SLC17A8: variants seen among roughly 807,000 people sequenced by gnomAD.
SLC17A8 encodes solute carrier family 17 member 8, also known as vesicular glutamate transporter 3.
SLC17A8 carries 31 observed loss-of-function variants against 58.0 expected under a neutral mutation model. The observed-to-expected ratio is 0.53, with a 90% confidence interval of 0.40 to 0.72. SLC17A8 has a LOEUF of 0.72. Among genes scored for constraint, SLC17A8 ranks in the 30% least tolerant of loss-of-function variants. The pLI, the probability that SLC17A8 is intolerant of heterozygous loss-of-function variation, is 0.00. For missense variants in SLC17A8, 655 were observed against 727.8 expected (o/e 0.90, Z 1.15); for synonymous variants, 228 against 249.0 (o/e 0.92, Z 0.79).
At position 100,361,184 on chromosome 12, in the gene SLC17A8, C is replaced by T. The variant is rs151096974; in HGVS notation, c.101+3692C>T. Among the ~76,000 whole-genome samples, 11 of 152,242 alleles carry T rather than the reference C, an allele frequency of 7.2e-5. No individual in the cohort carries two copies. The East Asian group carries it at 1.9e-3, about 27-fold the overall frequency. On this transcript the variant is annotated intron_variant, in intron 1 of 11. Transcript: ENST00000323346. ...GAAACCAAGTCAGATCACATCTCAC[C>T]CCTGCTCAAAACTACCTCACTCAGA...
intron 9 of SLC17A8, among the ~76,000 whole-genome samples, chr12:100,412,555 TATCCCTGAACTTAA>T (rs1487971816): frequency 2.0e-5 from 3 of 147,018 alleles, no homozygotes; most frequent in Non-Finnish European, 4.4e-5. Context: ...TCTGCACATG[TATCCCTGAACTTAA>T]ATCCCAGAAC....
chr12:100,376,726 G>A (rs1377034674), intron 1 of SLC17A8, among the ~76,000 whole-genome samples: 1 of 152,136 alleles, frequency 6.6e-6, no homozygotes, highest in African/African-American at 2.4e-5. Flanking sequence ...ATATTACTGT[G>A]GTTGTTACAT....
chr12:100,368,278 G>A (rs929535788), intron 1 of SLC17A8, among the ~76,000 whole-genome samples: 13 of 152,180 alleles, frequency 8.5e-5, no homozygotes, highest in Non-Finnish European at 1.8e-4. Flanking sequence ...GGAATCCCAG[G>A]CGTGCCTTGG....
chr12:100,363,407 C>T (rs1040792790), intron 1 of SLC17A8, among the ~76,000 whole-genome samples: 4 of 152,114 alleles, frequency 2.6e-5, no homozygotes, highest in African/African-American at 7.2e-5. Context: ...CCCACTCTGT[C>T]GCCCAGGCTG....
chr12:100,380,134 G>A (rs1419235131), intron 1 of SLC17A8, among the ~76,000 whole-genome samples: 9 of 151,638 alleles, frequency 5.9e-5, no homozygotes, highest in Non-Finnish European at 1.3e-4. Context: ...GGGAAGCAGA[G>A]GTTGCGGGGA....
In SLC17A8 at chr12:100,391,032, T is replaced by C; in HGVS notation, c.386T>C (p.Val129Ala). The C allele has an allele frequency of 1.2e-6, 2 of 1,613,658 alleles. No homozygotes were observed. Among genetic ancestry groups the C allele is most frequent in the African/African-American group, 1.3e-5 (1 of 75,040 alleles). The stretch of plus-strand genomic sequence containing the variant: ...CAGTTTAACTGGGATCCAGAAACAG[T>C]GGGCCTTATCCATGGATCTTTTTTC... The part of the protein sequence containing the change: ...TAQFNWDPET[V>A]GLIHGSFFWG... Residue 129 changes from valine (V) to alanine (A), a missense_variant, in exon 3 of 12, where the codon GTG becomes GCG. Val to Ala is a moderately conservative substitution (Grantham distance 64). Coordinates refer to ENST00000323346, the MANE Select transcript of SLC17A8 (RefSeq NM_139319.3).
At position 100,377,482 on chromosome 12, in the gene SLC17A8, G is replaced by A. The variant is rs1360495471; in HGVS notation, c.102-3219G>A. Among the ~76,000 whole-genome samples, 7 of 151,266 alleles carry A rather than the reference G, an allele frequency of 4.6e-5. No individual in the cohort carries two copies. In the Admixed American group the frequency reaches 4.6e-4, roughly 10 times the overall value. ...AGGCTAAAGTCACACAGCTGAGTAAGTGGGCGACTCAACATTCAAAGTAAG... is the reference window on the plus strand; with the variant it reads ...AGGCTAAAGTCACACAGCTGAGTAAATGGGCGACTCAACATTCAAAGTAAG... On this transcript the variant is annotated intron_variant, in intron 1 of 11. Transcript: ENST00000323346.
At chr12:100,359,313 A>T (rs1459316949) in intron 1 of SLC17A8, among the ~76,000 whole-genome samples, 1 of 152,072 alleles carries the variant, frequency 6.6e-6, no homozygotes, top group African/African-American at 2.4e-5. Flanking sequence ...TTCAATAGGA[A>T]TTATTGATCG....
Position 100,412,820 on chromosome 12 carries a change from A to G in SLC17A8, c.1237A>G (p.Lys413Glu). Reference protein sequence around the residue: ...LLLVVGFSHTKGVAISFLVLA... With the variant: ...LLLVVGFSHTEGVAISFLVLA... ...CCTGGTGGTTGGCTTTTCGCATACC[A>G]AAGGGGTGGCTATCTCCTTTCTGGT... is the stretch of plus-strand genomic sequence containing the variant. Residue 413 changes from lysine (K) to glutamate (E), a missense_variant, in exon 10 of 12, where the codon AAA becomes GAA. By Grantham distance (56) the Lys-to-Glu change is moderately conservative. Transcript: ENST00000323346. 1 of 1,614,126 alleles carries G rather than the reference A, an allele frequency of 6.2e-7. No homozygotes were observed.
chr12:100,383,299 C>T lies in SLC17A8; in HGVS notation c.354+2346C>T, dbSNP rs151313452. Among the ~76,000 whole-genome samples, 606 of 152,338 alleles carry T rather than the reference C, an allele frequency of 4.0e-3. 2 individuals carry two copies. Among genetic ancestry groups the T allele is most frequent in the African/African-American group, 0.012 (510 of 41,580 alleles). On this transcript the variant is annotated intron_variant, in intron 2 of 11. Coordinates refer to ENST00000323346, the MANE Select transcript of SLC17A8 (RefSeq NM_139319.3). ...GCTAGTGTGCGCTCTCTAGTTTCTA[C>T]GGCTGTGCCCTCTGGAGTCTTAGAG...
At chr12:100,369,015 G>C (rs1952540841) in intron 1 of SLC17A8, among the ~76,000 whole-genome samples, 1 of 152,190 alleles carries the variant, frequency 6.6e-6, no homozygotes, top group African/African-American at 2.4e-5. Flanking sequence ...GCTCATCCCT[G>C]TAATCCCAGC....
intron 1 of SLC17A8, among the ~76,000 whole-genome samples, chr12:100,376,900 C>T (rs763788201): frequency 6.6e-6 from 1 of 152,124 alleles, no homozygotes; most frequent in African/African-American, 2.4e-5. Context: ...ACCTCTGCCT[C>T]CAAGGTTCAA....
chr12:100,382,131 G>A (rs1435481202), intron 2 of SLC17A8, among the ~76,000 whole-genome samples: 1 of 152,228 alleles, frequency 6.6e-6, no homozygotes, highest in African/African-American at 2.4e-5. Context: ...ATTGGGTAGA[G>A]CACGTTGAGG....
In SLC17A8 at chr12:100,420,955, T is replaced by C. The variant is rs1394919910; in HGVS notation, c.*796T>C. ...CTATGTTATCTGAAGAGTCAAATGG[T>C]TTTGTGACTCCATAGTTTTTAAAGT... On this transcript the variant is annotated 3_prime_UTR_variant, in exon 12 of 12. Coordinates refer to ENST00000323346, the MANE Select transcript of SLC17A8 (RefSeq NM_139319.3). 1 of 152,162 alleles carries C rather than the reference T, an allele frequency of 6.6e-6. No homozygotes were observed. The highest frequency in any genetic ancestry group is 2.4e-5 in the African/African-American group (1 of 41,436). 9.4% of individuals were successfully genotyped at this position (152,162 alleles called of 1,614,324 possible). A position where few individuals can be genotyped will look rare whatever the true frequency, so the allele number is the denominator to read the frequency against.
intron 2 of SLC17A8, among the ~76,000 whole-genome samples, chr12:100,384,493 C>T (rs1475174858): frequency 2.0e-5 from 3 of 152,134 alleles, no homozygotes; most frequent in Admixed American, 2.0e-4. Context: ...GTACCAGCTA[C>T]TTGGGAAGCT....
At chr12:100,389,618 G>GAC (rs1952699790) in intron 2 of SLC17A8, among the ~76,000 whole-genome samples, 1 of 150,764 alleles carries the variant, frequency 6.6e-6, no homozygotes, top group African/African-American at 2.4e-5. Flanking sequence ...TATAGAGAGA[G>GAC]AGACACACAC....
intron 1 of SLC17A8, among the ~76,000 whole-genome samples, chr12:100,374,756 A>T (rs1952582746): frequency 6.6e-6 from 1 of 152,142 alleles, no homozygotes; most frequent in Non-Finnish European, 1.5e-5. Flanking sequence ...AGGTCCTGCT[A>T]ATTATTGATC....
At chr12:100,416,537 G>GTT (rs58618796) in intron 10 of SLC17A8, among the ~76,000 whole-genome samples, 3,197 of 146,520 alleles carry the variant, frequency 0.022, 116 homozygotes, top group African/African-American at 0.074. Context: ...CCTATTTTCA[G>GTT]TTTTTTTTTT....
At position 100,357,165 on chromosome 12, in the gene SLC17A8, T is replaced by G; in HGVS notation, c.-227T>G. On this transcript the variant is annotated 5_prime_UTR_variant, in exon 1 of 12. Coordinates refer to ENST00000323346, the MANE Select transcript of SLC17A8 (RefSeq NM_139319.3). ...ACTGAATTCCCAGCCAGACACCCCT[T>G]GGACTCTTTTTTGGAGGGGTGGGGA... The G allele has an allele frequency of 2.0e-6, 1 of 499,178 alleles. No individual in the cohort carries two copies. Among genetic ancestry groups the G allele is most frequent in the East Asian group, 3.8e-5 (1 of 26,230 alleles). The allele number at this position is 499,178 out of a possible 1,614,324, so 30.9% of individuals were successfully genotyped here. A position where few individuals can be genotyped will look rare whatever the true frequency, so the allele number is the denominator to read the frequency against.
Sources: gnomAD v4.1 joint callset for allele counts (sites outside exome capture counted in the v4.1 genomes callset) on GRCh38, gnomAD v4.1.1 for gene constraint, MANE v1.5 for transcripts, NCBI Gene and HGNC (gene_info 2026-07-23, HGNC 2026-07-21) for gene names.